The following ACYP2 variants were observed in gnomAD, a reference collection of about 807,000 sequenced individuals.
The protein encoded by ACYP2 is acylphosphatase 2, also known as acylphosphatase-2.
A neutral mutation model predicts 11.2 loss-of-function variants in ACYP2; 12 were observed. The observed-to-expected ratio is 1.08, with a 90% CI of 0.69 to 1.74. The LOEUF (loss-of-function observed/expected upper bound fraction) is 1.74, where lower values mean the gene tolerates loss of function less well. Among genes scored for constraint, ACYP2 ranks in the 40% most tolerant of loss-of-function variants. The pLI is 0.00. For missense variants in ACYP2, 134 were observed against 101.9 expected, an observed-to-expected ratio of 1.31 and a Z score of -1.35; for synonymous variants, 43 against 32.2, an observed-to-expected ratio of 1.33 and a Z score of -1.13.
intron 2 of ACYP2, among the ~76,000 whole-genome samples, chr2:54,003,027 A>G (rs1672874789): frequency 6.6e-6 from 1 of 151,148 alleles, no homozygotes. Context: ...GGCTCAATGC[A>G]ACCTCCACCT....
chr2:54,256,776 G>A (rs567462067), intron 6 of ACYP2, among the ~76,000 whole-genome samples: 2 of 152,214 alleles, frequency 1.3e-5, no homozygotes, highest in South Asian at 4.2e-4. Flanking sequence ...CAAGTAGCCG[G>A]GATTACAGGC....
intron 6 of ACYP2, among the ~76,000 whole-genome samples, chr2:54,304,218 CTGTGTGTGTGTGTG>C (rs10531789): frequency 2.7e-5 from 4 of 149,376 alleles, no homozygotes; most frequent in South Asian, 2.2e-4. Context: ...ATATATATGT[CTGTGTGTGTGTGTG>C]TGTGTGTGTG....
intron 4 of ACYP2, among the ~76,000 whole-genome samples, chr2:54,078,470 G>C (rs1488651466): frequency 6.7e-6 from 1 of 149,168 alleles, no homozygotes; most frequent in Non-Finnish European, 1.5e-5. Context: ...ATTATTATCT[G>C]TACAACTCAT....
At chr2:54,031,624 C>T (rs1393806807) in intron 2 of ACYP2, among the ~76,000 whole-genome samples, 1 of 152,126 alleles carries the variant, frequency 6.6e-6, no homozygotes, top group Non-Finnish European at 1.5e-5. Context: ...GATTTATAGT[C>T]CTTTGAGTAT....
At chr2:54,014,725 A>G (rs1369608647) in intron 2 of ACYP2, among the ~76,000 whole-genome samples, 1 of 146,320 alleles carries the variant, frequency 6.8e-6, no homozygotes, top group Non-Finnish European at 1.5e-5. Flanking sequence ...TAAATTTGTA[A>G]AAAAAAAATT....
At chr2:54,274,625 CAAAAAAAAAAAAAA>C (rs70944155) in intron 6 of ACYP2, among the ~76,000 whole-genome samples, 2 of 37,674 alleles carry the variant, frequency 5.3e-5, no homozygotes, top group Non-Finnish European at 4.5e-5. Flanking sequence ...GACTCCATCT[CAAAAAAAAAAAAAA>C]AAAAAAAAAA....
intron 2 of ACYP2, among the ~76,000 whole-genome samples, chr2:54,015,049 A>G (rs2104540380): frequency 6.6e-6 from 1 of 152,320 alleles, no homozygotes; most frequent in Non-Finnish European, 1.5e-5. Flanking sequence ...GCAGTATACT[A>G]GCTATCACTG....
chr2:54,093,540 A>C (rs1290821133), intron 4 of ACYP2, among the ~76,000 whole-genome samples: 5 of 152,236 alleles, frequency 3.3e-5, no homozygotes, highest in Non-Finnish European at 7.3e-5. Context: ...GATTCAGAGG[A>C]TGTGGCCTAG....
At chr2:53,986,477 C>T (rs1672042980) in intron 2 of ACYP2, among the ~76,000 whole-genome samples, 1 of 151,518 alleles carries the variant, frequency 6.6e-6, no homozygotes, top group South Asian at 2.1e-4. Context: ...GCTGGGATTA[C>T]AGACACACAG....
At chr2:54,005,963 GTGT>G (rs1188699219) in intron 2 of ACYP2, among the ~76,000 whole-genome samples, 1 of 152,132 alleles carries the variant, frequency 6.6e-6, no homozygotes, top group East Asian at 1.9e-4. Flanking sequence ...CATAAACATG[GTGT>G]ATTTGTCTTT....
chr2:54,024,349 G>T (rs1674163363), intron 2 of ACYP2, among the ~76,000 whole-genome samples: 1 of 152,168 alleles, frequency 6.6e-6, no homozygotes, highest in Non-Finnish European at 1.5e-5. Flanking sequence ...CTGGGCAACA[G>T]ATCAAGACTC....
intron 6 of ACYP2, among the ~76,000 whole-genome samples, chr2:54,298,072 TAGAATAGTTTGGTA>T (rs1689588342): frequency 6.6e-6 from 1 of 152,140 alleles, no homozygotes; most frequent in Non-Finnish European, 1.5e-5. Context: ...CTATAATAAT[TAGAATAGTTTGGTA>T]CTGGTTTTAT....
intron 6 of ACYP2, among the ~76,000 whole-genome samples, chr2:54,192,326 C>T (rs1023956776): frequency 1.3e-5 from 2 of 152,024 alleles, no homozygotes; most frequent in Non-Finnish European, 2.9e-5. Context: ...AAAATTTTCC[C>T]TAGTATCCCT....
At chr2:53,998,040 A>G (rs1672653798) in intron 2 of ACYP2, among the ~76,000 whole-genome samples, 1 of 152,088 alleles carries the variant, frequency 6.6e-6, no homozygotes. Context: ...GTGTATTTGC[A>G]TTTTTTCTAG....
intron 6 of ACYP2, among the ~76,000 whole-genome samples, chr2:54,166,173 A>G (rs1157027516): frequency 6.6e-6 from 1 of 152,276 alleles, no homozygotes; most frequent in East Asian, 1.9e-4. Context: ...CCACTTGACC[A>G]TGGTGTTGTC....
intron 6 of ACYP2, among the ~76,000 whole-genome samples, chr2:54,237,111 A>T (rs1023470150): frequency 4.6e-5 from 7 of 152,224 alleles, no homozygotes; most frequent in African/African-American, 1.7e-4. Flanking sequence ...GATGATTTAA[A>T]ACACATGGGA....
chr2:54,014,819 G>A (rs1673591177), intron 2 of ACYP2, among the ~76,000 whole-genome samples: 1 of 151,762 alleles, frequency 6.6e-6, no homozygotes, highest in Admixed American at 6.6e-5. Context: ...GAGTACAGTG[G>A]TGCAATCATG....
chr2:54,270,398 T>A (rs1688233930), intron 6 of ACYP2, among the ~76,000 whole-genome samples: 1 of 152,162 alleles, frequency 6.6e-6, no homozygotes, highest in Admixed American at 6.5e-5. Context: ...AAGTGCTAAT[T>A]TAAATTACTT....
intron 6 of ACYP2, among the ~76,000 whole-genome samples, chr2:54,139,038 A>G (rs541819652): frequency 6.6e-6 from 1 of 152,342 alleles, no homozygotes; most frequent in East Asian, 1.9e-4. Flanking sequence ...AATCAAACTA[A>G]TATGTTTGTA....
Sources: gnomAD v4.1 joint callset for allele counts (sites outside exome capture counted in the v4.1 genomes callset) on GRCh38, gnomAD v4.1.1 for gene constraint, MANE v1.5 for transcripts, NCBI Gene and HGNC (gene_info 2026-07-23, HGNC 2026-07-21) for gene names.